TMX3: variants seen among roughly 807,000 people sequenced by gnomAD.
TMX3 encodes thioredoxin related transmembrane protein 3, also known as protein disulfide-isomerase TMX3.
A neutral mutation model predicts 64.4 loss-of-function variants in TMX3; 40 were observed. That is an observed-to-expected ratio of 0.62 (90% CI 0.48 to 0.81). The LOEUF is 0.81. TMX3 is among the 30% of genes least tolerant of loss of function. The pLI is 0.00. For synonymous variants in TMX3, 189 were observed against 175.7 expected (o/e 1.08, Z -0.60); for missense variants, 497 against 534.5 (o/e 0.93, Z 0.69).
intron 8 of TMX3, among the ~76,000 whole-genome samples, chr18:68,693,674 C>T (rs544221952): frequency 6.6e-6 from 1 of 152,222 alleles, no homozygotes; most frequent in East Asian, 1.9e-4. Context: ...TCGGCATGAA[C>T]AGCCTGGGTG....
intron 8 of TMX3, among the ~76,000 whole-genome samples, chr18:68,693,144 T>C (rs374624792): frequency 2.5e-4 from 38 of 152,352 alleles, no homozygotes; most frequent in African/African-American, 8.7e-4. Flanking sequence ...TTGGGAATGC[T>C]GTCAGAGACT....
At position 68,694,665 on chromosome 18, in the gene TMX3, C is replaced by A. The variant is rs550217573; in HGVS notation, c.570+2561G>T. On this transcript the variant is annotated intron_variant, in intron 8 of 15. Coordinates refer to ENST00000299608, the MANE Select transcript of TMX3 (RefSeq NM_019022.5). ...CCACAGAGGTTTCTGGCTGGTGAAA[C>A]GACACCCTAAGGATCCCGTGACATT... is the stretch of plus-strand genomic sequence containing the variant. Among the ~76,000 whole-genome samples, 5 of 152,236 alleles carry A rather than the reference C, an allele frequency of 3.3e-5. No homozygotes were observed. The South Asian group carries it at 8.3e-4, about 25-fold the overall frequency.
intron 14 of TMX3, 32 bp downstream of exon 14, chr18:68,680,949 T>C (rs760257937): frequency 6.5e-7 from 1 of 1,539,204 alleles, no homozygotes; most frequent in South Asian, 1.3e-5. Context: ...CCCCTGTCCA[T>C]CATCTCTTTG....
At chr18:68,714,811 C>T in intron 1 of TMX3, 125 bp downstream of exon 1, 2 of 1,318,768 alleles carry the variant, frequency 1.5e-6, no homozygotes, top group Non-Finnish European at 2.0e-6. Flanking sequence ...AGGACGCTGC[C>T]GGGAATGGGT....
chr18:68,684,541 A>G, intron 10 of TMX3, 56 bp from the exon 11 acceptor site: 1 of 1,450,980 alleles, frequency 6.9e-7, no homozygotes, highest in East Asian at 2.3e-5. Flanking sequence ...CAAACTGTTC[A>G]ATTATCACTT....
At chr18:68,705,754 T>C (rs1265506494) in intron 4 of TMX3, among the ~76,000 whole-genome samples, 1 of 152,222 alleles carries the variant, frequency 6.6e-6, no homozygotes, top group Non-Finnish European at 1.5e-5. Flanking sequence ...TTGGTTATGG[T>C]ATTAGTTAAA....
chr18:68,688,252 C>A (rs932877059), intron 9 of TMX3, among the ~76,000 whole-genome samples: 1 of 152,116 alleles, frequency 6.6e-6, no homozygotes, highest in African/African-American at 2.4e-5. Context: ...TGGGTCATGG[C>A]ACTACAGGTA....
intron 4 of TMX3, among the ~76,000 whole-genome samples, chr18:68,708,803 C>T (rs887334972): frequency 1.3e-5 from 2 of 152,120 alleles, no homozygotes; most frequent in Non-Finnish European, 2.9e-5. Flanking sequence ...GTGTCATATA[C>T]GTGCAGCCAT....
At chr18:68,697,200 C>T (rs577247259) in intron 8 of TMX3, 26 bp downstream of exon 8, 33 of 1,207,696 alleles carry the variant, frequency 2.7e-5, no homozygotes, top group Admixed American at 1.3e-4. Context: ...AAAATTGTGT[C>T]GTTAAAATCA....
chr18:68,711,781 CA>C (rs2031302415), intron 2 of TMX3, among the ~76,000 whole-genome samples: 1 of 152,124 alleles, frequency 6.6e-6, no homozygotes, highest in Non-Finnish European at 1.5e-5. Flanking sequence ...CCTTGGTTGG[CA>C]TCTGGGAACT....
Position 68,682,372 on chromosome 18 carries a change from TAA to T in TMX3, c.905+551_905+552del, listed in dbSNP as rs201514932. ...TAAATCTCTACATCATAATTTTAGA[TAA>T]AAATTATTTTAAAACTACATATTTT... On this transcript the variant is annotated intron_variant, in intron 13 of 15. Transcript: ENST00000299608. Among the ~76,000 whole-genome samples the T allele has an allele frequency of 1.0e-3, 152 of 152,284 alleles. 2 individuals carry two copies. The East Asian group carries it at 0.014, about 14-fold the overall frequency.
At chr18:68,683,270 T>C (rs1214835299) in intron 12 of TMX3, among the ~76,000 whole-genome samples, 2 of 152,122 alleles carry the variant, frequency 1.3e-5, no homozygotes, top group Non-Finnish European at 2.9e-5. Flanking sequence ...TCAGCTATTC[T>C]ACCTGAAATA....
At chr18:68,713,935 C>T (rs201200288) in intron 1 of TMX3, 35 bp from the exon 2 acceptor site, 100 of 1,458,938 alleles carry the variant, frequency 6.9e-5, no homozygotes, top group Non-Finnish European at 9.2e-5. Flanking sequence ...ACAATAAATG[C>T]TGATTATTTG....
chr18:68,704,294 T>C (rs1482370563), intron 4 of TMX3, among the ~76,000 whole-genome samples: 1 of 152,228 alleles, frequency 6.6e-6, no homozygotes, highest in Non-Finnish European at 1.5e-5. Context: ...GGCGTTAATA[T>C]TTTAAAATTG....
intron 3 of TMX3, among the ~76,000 whole-genome samples, 158 bp from the exon 4 acceptor site, chr18:68,710,302 T>C (rs2031147443): frequency 6.6e-6 from 1 of 152,154 alleles, no homozygotes; most frequent in Admixed American, 6.5e-5. Flanking sequence ...AGTAGATACA[T>C]AATGAAAGAT....
rs373223476 is a variant in TMX3 at position 68,677,111 on chromosome 18, A to C, written c.1187T>G (p.Ile396Ser). 5.6e-6 allele frequency: 9 copies of C among 1,613,638 alleles called. No individual in the cohort carries two copies. The highest frequency in any genetic ancestry group is 7.6e-6 in the Non-Finnish European group (9 of 1,179,770). Reference protein sequence around the residue: ...LGVISIMCYGIYTADTDGGYI... With the variant: ...LGVISIMCYGSYTADTDGGYI... ...ACCTCCATCTGTGTCGGCTGTGTAG[A>C]TTCCATAGCACATGATACTGATGAC... The change falls in exon 16 of 16, where the codon ATC (isoleucine) becomes AGC (serine). Residue 396 changes from isoleucine to serine, a missense_variant. This residue lies in a region of TMX3 where 94 missense variants were observed against 75.8 expected (regional missense o/e 1.24). Coordinates refer to ENST00000299608, the MANE Select transcript of TMX3 (RefSeq NM_019022.5).
intron 5 of TMX3, 62 bp from the exon 6 acceptor site, chr18:68,700,547 A>C (rs1168996524): frequency 8.2e-7 from 1 of 1,216,880 alleles, no homozygotes; most frequent in Non-Finnish European, 1.1e-6. Flanking sequence ...TTTAATGTTA[A>C]TCATTATCTA....
intron 4 of TMX3, among the ~76,000 whole-genome samples, chr18:68,704,868 T>C (rs111456238): frequency 0.016 from 2,435 of 152,312 alleles, 29 homozygotes; most frequent in African/African-American, 0.035. Flanking sequence ...GGCCTAATTC[T>C]GTTTCTAACT....
chr18:68,686,649 G>C, intron 10 of TMX3: 1 of 837,332 alleles, frequency 1.2e-6, no homozygotes, highest in Non-Finnish European at 1.4e-6. Flanking sequence ...GGAGGTTGCA[G>C]TGAGCCAAGA....
Sources: allele counts gnomAD v4.1 joint callset (sites outside exome capture counted in the v4.1 genomes callset), GRCh38; gene constraint gnomAD v4.1.1; regional missense constraint gnomAD v4.1.1; transcripts MANE v1.5; gene names NCBI Gene and HGNC (gene_info 2026-07-23, HGNC 2026-07-21).